Variants in KCNMA1 observed in about 807,000 individuals in gnomAD.
The protein encoded by KCNMA1 is potassium calcium-activated channel subfamily M alpha 1.
A neutral mutation model predicts 140.0 loss-of-function variants in KCNMA1; 29 were observed. That is an observed-to-expected ratio of 0.21 (90% CI 0.15 to 0.28). The LOEUF (loss-of-function observed/expected upper bound fraction) is 0.28. KCNMA1 is among the 10% of genes least tolerant of loss of function. The pLI is 1.00. For missense variants in KCNMA1, 880 were observed against 1,602.2 expected (o/e 0.55, Z 7.70); for synonymous variants, 612 against 611.9 (o/e 1.00, Z 0.00).
intron 2 of KCNMA1, chr10:77,314,204 T>G (rs543328965): frequency 6.6e-6 from 1 of 152,168 alleles, no homozygotes; most frequent in Non-Finnish European, 1.5e-5. Flanking sequence ...CAAAAGCCAC[T>G]GATGAATCTA....
chr10:77,200,069 G>A (rs2041970204), intron 3 of KCNMA1, among the ~76,000 whole-genome samples: 1 of 152,106 alleles, frequency 6.6e-6, no homozygotes, highest in Non-Finnish European at 1.5e-5. Context: ...TCCTGCCTCA[G>A]CCTCCCAAGT....
In KCNMA1 at chr10:76,973,660, G is replaced by A. The variant is rs76533263; in HGVS notation, c.2267-3593C>T. Among the ~76,000 whole-genome samples, 261 of 152,206 alleles carry A rather than the reference G, an allele frequency of 1.7e-3. 1 individual carries two copies. In the East Asian group the frequency reaches 0.046, roughly 27 times the overall value. On this transcript the variant is annotated intron_variant, in intron 19 of 27. Coordinates refer to ENST00000286628, the MANE Select transcript of KCNMA1 (RefSeq NM_001161352.2). ...GAACATCTGTAACAACATTTTACTC[G>A]ACTTTTCATCAGCATTCTGTTTTCA...
At chr10:76,881,241 C>T (rs996457977), downstream of KCNMA1, among the ~76,000 whole-genome samples, 1 of 152,176 alleles carries the variant, frequency 6.6e-6, no homozygotes, top group Non-Finnish European at 1.5e-5. Flanking sequence ...GCAGATCTAG[C>T]TCACGTACTA....
In KCNMA1 at chr10:77,001,576, C is replaced by T. The variant is rs975711718; in HGVS notation, c.2097G>A (p.Lys699=). ...GTCTCATTCTCTTGTAGATGGACAT[C>T]TTGGCTATAACCGTGTGGTTGGATG... ...RIKKCGCKRP[K]MSIYKRMRRA... Residue 699 remains lysine, a synonymous_variant, in exon 19 of 28, where the codon AAG becomes AAA. Transcript: ENST00000286628. 1.9e-6 allele frequency: 3 copies of T among 1,551,226 alleles called. No individual in the cohort carries two copies. Among genetic ancestry groups the T allele is most frequent in the African/African-American group, 2.7e-5 (2 of 73,036 alleles).
chr10:76,996,603 T>C (rs1215953171), intron 19 of KCNMA1, among the ~76,000 whole-genome samples: 5 of 151,994 alleles, frequency 3.3e-5, no homozygotes, highest in Non-Finnish European at 5.9e-5. Context: ...TGATGGATAT[T>C]GACACAGAGA....
intron 1 of KCNMA1, among the ~76,000 whole-genome samples, chr10:77,512,761 A>G (rs1262694355): frequency 6.6e-6 from 1 of 152,200 alleles, no homozygotes; most frequent in Non-Finnish European, 1.5e-5. Context: ...ACAGCCACCT[A>G]CAAGCTAGGC....
At chr10:77,556,701 G>A (rs7893394) in intron 1 of KCNMA1, among the ~76,000 whole-genome samples, 6 of 151,798 alleles carry the variant, frequency 4.0e-5, no homozygotes, top group African/African-American at 9.7e-5. Flanking sequence ...CAAGATGAGC[G>A]TGGATCCCTG....
intron 3 of KCNMA1, among the ~76,000 whole-genome samples, chr10:77,224,375 T>C (rs553768983): frequency 6.6e-6 from 1 of 152,214 alleles, no homozygotes. Context: ...GGATTTCACA[T>C]CTTCTCCTCT....
chr10:77,244,531 T>G (rs1001059673), intron 3 of KCNMA1, among the ~76,000 whole-genome samples: 4 of 152,234 alleles, frequency 2.6e-5, no homozygotes, highest in Non-Finnish European at 5.9e-5. Flanking sequence ...GGAGGAAGGG[T>G]GCTAATGCTC....
At chr10:77,435,842 G>C (rs2097252383) in intron 1 of KCNMA1, among the ~76,000 whole-genome samples, 1 of 152,188 alleles carries the variant, frequency 6.6e-6, no homozygotes, top group Non-Finnish European at 1.5e-5. Flanking sequence ...GAAAAGCAGA[G>C]AGAGAGGAGG....
chr10:77,144,496 A>G (rs1055907631), intron 5 of KCNMA1, among the ~76,000 whole-genome samples: 5 of 152,198 alleles, frequency 3.3e-5, no homozygotes, highest in Non-Finnish European at 7.3e-5. Flanking sequence ...CTATGTTGAT[A>G]TGGATGACAG....
chr10:77,637,783 A>G lies in KCNMA1; in HGVS notation c.-141T>C. ...CGCGGAGCGCGGGAGGGGGGCGGGG[A>G]GGCGCCTGGGCTCGGGGCGCTGTGC... is the stretch of plus-strand genomic sequence containing the variant. On this transcript the variant is annotated 5_prime_UTR_variant, in exon 1 of 28. Coordinates refer to ENST00000286628, the MANE Select transcript of KCNMA1 (RefSeq NM_001161352.2). 2 of 1,280,822 alleles carry G rather than the reference A, an allele frequency of 1.6e-6. No individual in the cohort carries two copies. Among genetic ancestry groups the G allele is most frequent in the South Asian group, 2.8e-5 (1 of 35,378 alleles). 79.3% of individuals were successfully genotyped at this position (1,280,822 alleles called of 1,614,324 possible).
chr10:76,933,156 T>C (rs1027730166), intron 23 of KCNMA1, among the ~76,000 whole-genome samples: 1 of 152,234 alleles, frequency 6.6e-6, no homozygotes, highest in Non-Finnish European at 1.5e-5. Context: ...GACTAAATCC[T>C]GGAGGGAAAG....
At position 76,973,093 on chromosome 10, in the gene KCNMA1, C is replaced by T. The variant is rs369516234; in HGVS notation, c.2267-3026G>A. On this transcript the variant is annotated intron_variant, in intron 19 of 27. Transcript: ENST00000286628. ...GAAGTAGTGGGCCACTACCTCATGA[C>T]GATGCAAATTTACAAGCTCTTATTT... 2.3e-4 allele frequency: 35 copies of T among 152,250 alleles called. 3 individuals carry two copies. Among genetic ancestry groups the T allele is most frequent in the Middle Eastern group, 3.4e-3 (1 of 294 alleles). The allele number at this position is 152,250 out of a possible 1,614,324, so 9.4% of individuals were successfully genotyped here. A position where few individuals can be genotyped will look rare whatever the true frequency, so the allele number is the denominator to read the frequency against.
chr10:77,024,064 G>A (rs2093156365), intron 16 of KCNMA1, among the ~76,000 whole-genome samples: 2 of 152,170 alleles, frequency 1.3e-5, no homozygotes, highest in African/African-American at 4.8e-5. Context: ...CATATGGGAT[G>A]GGGAACAGAG....
chr10:77,175,323 C>T (rs1039181356), intron 5 of KCNMA1, among the ~76,000 whole-genome samples: 50 of 152,202 alleles, frequency 3.3e-4, no homozygotes, highest in African/African-American at 1.2e-3. Context: ...TGAATATTTA[C>T]TCATCGAGTT....
At chr10:77,010,573 G>A (rs1391644343) in intron 18 of KCNMA1, among the ~76,000 whole-genome samples, 1 of 152,004 alleles carries the variant, frequency 6.6e-6, no homozygotes, top group Admixed American at 6.6e-5. Flanking sequence ...AACAGGGGGA[G>A]GAAACCCATG....
chr10:76,991,285 G>A (rs2082689985), intron 19 of KCNMA1, among the ~76,000 whole-genome samples: 2 of 152,320 alleles, frequency 1.3e-5, no homozygotes, highest in African/African-American at 4.8e-5. Flanking sequence ...TCTATATGTG[G>A]TAGTAACCCT....
chr10:77,129,234 T>C (rs1401595158), intron 5 of KCNMA1, among the ~76,000 whole-genome samples: 1 of 152,244 alleles, frequency 6.6e-6, no homozygotes, highest in Non-Finnish European at 1.5e-5. Flanking sequence ...CCAAGCTTTA[T>C]TTTTCTAATC....
Sources: gnomAD v4.1 joint callset for allele counts (sites outside exome capture counted in the v4.1 genomes callset) on GRCh38, gnomAD v4.1.1 for gene constraint, MANE v1.5 for transcripts, NCBI Gene and HGNC (gene_info 2026-07-23, HGNC 2026-07-21) for gene names.